SV2C: variants seen among roughly 807,000 people sequenced by gnomAD.
SV2C encodes the protein solute carrier family 22 member B3.
In SV2C, 49 loss-of-function variants were observed where a neutral mutation model predicts 79.7. That is an observed-to-expected ratio of 0.61 (90% CI 0.49 to 0.78). The LOEUF is 0.78. Ranked by LOEUF, SV2C falls within the 30% of genes least tolerant of loss-of-function variation. The pLI, the probability that SV2C is intolerant of heterozygous loss-of-function variation, is 0.00. For missense variants in SV2C, 833 were observed against 912.9 expected, an observed-to-expected ratio of 0.91 and a Z score of 1.13; for synonymous variants, 334 against 333.2, an observed-to-expected ratio of 1.00 and a Z score of -0.03.
At chr5:75,937,044 C>T in the SV2C span, among the ~76,000 whole-genome samples, 3 of 139,940 alleles carry the variant, frequency 2.1e-5, no homozygotes, top group Non-Finnish European at 4.6e-5. Context: ...CCCTCTCTTT[C>T]TGTCACACTG....
intron 4 of SV2C, among the ~76,000 whole-genome samples, chr5:76,241,489 G>A (rs1233559160): frequency 6.6e-6 from 1 of 152,220 alleles, no homozygotes; most frequent in African/African-American, 2.4e-5. Flanking sequence ...GAAAATGGCA[G>A]AATTTATCTG....
chr5:76,287,780 G>T (rs532180240), intron 6 of SV2C, among the ~76,000 whole-genome samples: 1 of 152,130 alleles, frequency 6.6e-6, no homozygotes, highest in Admixed American at 6.5e-5. Flanking sequence ...TTCAATATAC[G>T]CAGTCATATA....
chr5:76,271,906 T>C lies in SV2C; in HGVS notation c.914-13256T>C, dbSNP rs76369094. On this transcript the variant is annotated intron_variant, in intron 4 of 12. Transcript: ENST00000502798. Reference sequence around the variant, plus strand: ...GAGGGAGAGTATGATGTCCCCTTGCTTGAGGCACAAGGACCAGAAATTAGA... The same window carrying C: ...GAGGGAGAGTATGATGTCCCCTTGCCTGAGGCACAAGGACCAGAAATTAGA... Among the ~76,000 whole-genome samples the C allele has an allele frequency of 9.5e-3, 1,441 of 152,286 alleles. 19 individuals carry two copies. Among genetic ancestry groups the C allele is most frequent in the African/African-American group, 0.033 (1,354 of 41,558 alleles).
chr5:75,946,149 C>T, the SV2C span, among the ~76,000 whole-genome samples: 7 of 151,782 alleles, frequency 4.6e-5, no homozygotes, highest in Non-Finnish European at 7.4e-5. Context: ...TGAGTCTCTA[C>T]CTGGATTGAC....
intron 4 of SV2C, among the ~76,000 whole-genome samples, chr5:76,226,806 G>A (rs1354443749): frequency 2.0e-5 from 3 of 152,184 alleles, no homozygotes; most frequent in East Asian, 1.9e-4. Context: ...CTGTGCTGAT[G>A]GAGAAAGATG....
chr5:75,991,600 T>TAC, the SV2C span, among the ~76,000 whole-genome samples: 1 of 148,744 alleles, frequency 6.7e-6, no homozygotes, highest in African/African-American at 2.5e-5. Context: ...CATATATATA[T>TAC]ATATGGATAC....
At chr5:76,168,579 G>A (rs1340185039) in intron 2 of SV2C, among the ~76,000 whole-genome samples, 3 of 152,166 alleles carry the variant, frequency 2.0e-5, no homozygotes, top group East Asian at 1.9e-4. Context: ...GGTCGGCTCC[G>A]GGCCGCGCTG....
rs138566706 is a variant in SV2C at position 76,325,237 on chromosome 5, T to G, written c.2001-127T>G. 667 of 956,136 alleles carry G rather than the reference T, an allele frequency of 7.0e-4. 2 individuals carry two copies. In the African/African-American group the frequency reaches 8.0e-3, roughly 12 times the overall value. 59.2% of individuals were successfully genotyped at this position (956,136 alleles called of 1,614,324 possible). On this transcript the variant is annotated intron_variant, in intron 12 of 12. Transcript: ENST00000502798. Reference sequence around the variant, plus strand: ...TACTCCCAGATTTGCTAACAAGCATTGATTTGCTCCACTGATATACAACAC... The same window carrying G: ...TACTCCCAGATTTGCTAACAAGCATGGATTTGCTCCACTGATATACAACAC...
intron 4 of SV2C, among the ~76,000 whole-genome samples, chr5:76,273,328 T>G (rs1436383040): frequency 6.6e-6 from 1 of 151,970 alleles, no homozygotes; most frequent in Non-Finnish European, 1.5e-5. Context: ...CTGTCAGCTT[T>G]TTTCAACTCT....
At chr5:75,897,023 G>A in the SV2C span, among the ~76,000 whole-genome samples, 1 of 145,356 alleles carries the variant, frequency 6.9e-6, no homozygotes, top group Non-Finnish European at 1.5e-5. Flanking sequence ...TAGGTTGCCT[G>A]TTCACTCTGA....
Position 76,083,496 on chromosome 5 carries a change from G to C in SV2C, c.-118G>C, listed in dbSNP as rs30199. On this transcript the variant is annotated 5_prime_UTR_variant, in exon 1 of 13. Coordinates refer to ENST00000502798, the MANE Select transcript of SV2C (RefSeq NM_014979.4). ...TGCTGACACCACTCAGGGCAAGGGT[G>C]TCCGACGGCTGGAGCGGTGAGTGGG... 80,636 of 152,146 alleles carry C rather than the reference G, an allele frequency of 0.53. 21,963 individuals carry two copies. The highest frequency in any genetic ancestry group is 0.71 in the East Asian group (3,654 of 5,148). 9.4% of individuals were successfully genotyped at this position (152,146 alleles called of 1,614,324 possible).
chr5:75,938,670 G>A, the SV2C span, among the ~76,000 whole-genome samples: 10 of 152,146 alleles, frequency 6.6e-5, no homozygotes, highest in African/African-American at 2.2e-4. Flanking sequence ...GGAGTGTAGC[G>A]GGGTCTGGGG....
intron 4 of SV2C, among the ~76,000 whole-genome samples, chr5:76,272,677 T>C (rs574936844): frequency 1.2e-4 from 19 of 152,254 alleles, no homozygotes; most frequent in Non-Finnish European, 2.2e-4. Context: ...AAGGACCTTC[T>C]TGTGGCCTTA....
chr5:75,926,742 C>T, the SV2C span, among the ~76,000 whole-genome samples: 2 of 152,186 alleles, frequency 1.3e-5, no homozygotes, highest in Non-Finnish European at 2.9e-5. Context: ...TGCATGTATG[C>T]ACAGCCACAC....
At chr5:75,998,512 T>C in the SV2C span, among the ~76,000 whole-genome samples, 7 of 152,064 alleles carry the variant, frequency 4.6e-5, no homozygotes, top group Non-Finnish European at 8.8e-5. Context: ...TGAATCATGA[T>C]TGAATTGATT....
intron 6 of SV2C, among the ~76,000 whole-genome samples, chr5:76,286,364 T>G (rs1045728451): frequency 6.6e-6 from 1 of 152,122 alleles, no homozygotes; most frequent in African/African-American, 2.4e-5. Context: ...TCATACCTTT[T>G]CAAGTGACAC....
intron 4 of SV2C, among the ~76,000 whole-genome samples, chr5:76,271,028 C>A (rs1311856025): frequency 3.9e-5 from 6 of 152,134 alleles, no homozygotes; most frequent in Non-Finnish European, 4.4e-5. Context: ...CTTGGCCTCC[C>A]ACAGTGCTGG....
the SV2C span, among the ~76,000 whole-genome samples, chr5:75,871,836 C>T: frequency 5.3e-3 from 536 of 101,680 alleles, 1 homozygote; most frequent in African/African-American, 0.02. Flanking sequence ...TATATATATA[C>T]ACACACACAC....
chr5:76,129,659 A>C (rs984543870), intron 1 of SV2C, among the ~76,000 whole-genome samples: 1 of 152,204 alleles, frequency 6.6e-6, no homozygotes, highest in Non-Finnish European at 1.5e-5. Flanking sequence ...CCTGTAAAGC[A>C]TGTGGTAAGG....
Sources: gnomAD v4.1 joint callset for allele counts (sites outside exome capture counted in the v4.1 genomes callset) on GRCh38, gnomAD v4.1.1 for gene constraint, MANE v1.5 for transcripts, NCBI Gene and HGNC (gene_info 2026-07-23, HGNC 2026-07-21) for gene names.